Variants in PCDH7 observed in about 807,000 individuals in gnomAD.
PCDH7 encodes protocadherin 7.
In PCDH7, 17 loss-of-function variants were observed where a neutral mutation model predicts 58.9. The ratio of observed to expected loss-of-function variants is 0.29; its 90% CI spans 0.20 to 0.43. The LOEUF (loss-of-function observed/expected upper bound fraction) is 0.43, where lower values mean the gene tolerates loss of function less well. Among genes scored for constraint, PCDH7 ranks in the 20% least tolerant of loss-of-function variants. PCDH7 has a pLI of 1.00. For missense variants in PCDH7, 1,274 were observed against 1,441.0 expected (o/e 0.88, Z 1.88); for synonymous variants, 664 against 616.4 (o/e 1.08, Z -1.14).
intron 3 of PCDH7, among the ~76,000 whole-genome samples, chr4:31,019,552 C>T (rs868566112): frequency 3.1e-4 from 47 of 151,904 alleles, no homozygotes; most frequent in Admixed American, 7.9e-4. Flanking sequence ...AAAAATTATC[C>T]GGGTGTGGTG....
intron 2 of PCDH7, among the ~76,000 whole-genome samples, chr4:30,940,091 A>C (rs1393197049): frequency 6.6e-6 from 1 of 152,018 alleles, no homozygotes; most frequent in Non-Finnish European, 1.5e-5. Flanking sequence ...GTGGTAGGCA[A>C]AAAAACAAAC....
chr4:31,038,260 C>CA (rs1755573931), intron 3 of PCDH7, among the ~76,000 whole-genome samples: 1 of 152,160 alleles, frequency 6.6e-6, no homozygotes, highest in Admixed American at 6.5e-5. Flanking sequence ...GAAGGTTGCA[C>CA]ATGCTTTGTT....
chr4:30,845,683 T>G (rs1406412413), intron 1 of PCDH7, among the ~76,000 whole-genome samples: 1 of 152,080 alleles, frequency 6.6e-6, no homozygotes, highest in African/African-American at 2.4e-5. Context: ...CACTACAAAC[T>G]CAAACTCCTG....
chr4:30,837,618 T>C (rs1282666404), intron 1 of PCDH7, among the ~76,000 whole-genome samples: 1 of 151,946 alleles, frequency 6.6e-6, no homozygotes, highest in Non-Finnish European at 1.5e-5. Context: ...CATTGTCTGT[T>C]TCATTTGTTT....
chr4:30,815,529 C>G (rs1727562320), intron 1 of PCDH7, among the ~76,000 whole-genome samples: 2 of 152,178 alleles, frequency 1.3e-5, no homozygotes, highest in African/African-American at 4.8e-5. Context: ...CCTGATTCTT[C>G]CCTTGGAGCG....
chr4:31,003,141 T>A (rs370470274), intron 3 of PCDH7, among the ~76,000 whole-genome samples: 2 of 152,324 alleles, frequency 1.3e-5, no homozygotes, highest in African/African-American at 4.8e-5. Flanking sequence ...CTTATTTTTT[T>A]AAGCCTCTTG....
chr4:30,870,421 T>C (rs1032308599), intron 1 of PCDH7, among the ~76,000 whole-genome samples: 1 of 152,130 alleles, frequency 6.6e-6, no homozygotes, highest in African/African-American at 2.4e-5. Flanking sequence ...CTTTTAGGTC[T>C]TATGTAAGTC....
At chr4:30,746,662 A>G (rs1007861685) in intron 1 of PCDH7, among the ~76,000 whole-genome samples, 1 of 152,208 alleles carries the variant, frequency 6.6e-6, no homozygotes, top group African/African-American at 2.4e-5. Context: ...GGCATAGCCT[A>G]TTGAGAGGAT....
chr4:31,029,373 T>C (rs1424160528), intron 3 of PCDH7, among the ~76,000 whole-genome samples: 1 of 152,200 alleles, frequency 6.6e-6, no homozygotes, highest in Non-Finnish European at 1.5e-5. Flanking sequence ...AGAAATGTCC[T>C]AGGTGCCCAG....
chr4:31,050,150 G>A (rs530302276), intron 3 of PCDH7, among the ~76,000 whole-genome samples: 1 of 152,284 alleles, frequency 6.6e-6, no homozygotes, highest in East Asian at 1.9e-4. Context: ...TTGGCTTCAA[G>A]AATATGCTTC....
intron 3 of PCDH7, among the ~76,000 whole-genome samples, chr4:31,079,892 G>C (rs1261119333): frequency 6.6e-6 from 1 of 152,024 alleles, no homozygotes; most frequent in African/African-American, 2.4e-5. Flanking sequence ...GAACCCAGTG[G>C]AAGGAAAAGG....
intron 1 of PCDH7, among the ~76,000 whole-genome samples, chr4:30,884,194 A>G (rs1737373525): frequency 6.6e-6 from 1 of 152,178 alleles, no homozygotes; most frequent in Non-Finnish European, 1.5e-5. Context: ...CAAACACTGT[A>G]CACACCATTT....
In PCDH7 at chr4:30,720,458, A is replaced by C. The variant is rs563446226; in HGVS notation, c.-965A>C. On this transcript the variant is annotated 5_prime_UTR_variant, in exon 1 of 2. Coordinates refer to ENST00000361762, the Ensembl canonical transcript of PCDH7. This position sits in a 1 kb window ranked among gnomAD's most constrained non-coding sequence, Gnocchi z 4.7. ...GCACGGACTCTGCGGCTGCGAACCC[A>C]AACTTGGGCACCGCACGGTGCGCAC... 3 of 152,840 alleles carry C rather than the reference A, an allele frequency of 2.0e-5. No homozygotes were observed. Among genetic ancestry groups the C allele is most frequent in the African/African-American group, 7.2e-5 (3 of 41,594 alleles). The allele number at this position is 152,840 out of a possible 1,614,324, so 9.5% of individuals were successfully genotyped here.
At chr4:31,077,707 A>G (rs1759125219) in intron 3 of PCDH7, among the ~76,000 whole-genome samples, 1 of 152,136 alleles carries the variant, frequency 6.6e-6, no homozygotes. Flanking sequence ...CATTTCACCC[A>G]CCTTCTACAA....
At chr4:30,852,829 GAAAAAAAAAAAA>G (rs58210433) in intron 1 of PCDH7, among the ~76,000 whole-genome samples, 2 of 74,610 alleles carry the variant, frequency 2.7e-5, no homozygotes, top group African/African-American at 9.6e-5. Flanking sequence ...TCAAGCACAG[GAAAAAAAAAAAA>G]AAAAAAAAAA....
At chr4:31,048,888 C>G (rs1395636653) in intron 3 of PCDH7, among the ~76,000 whole-genome samples, 2 of 152,036 alleles carry the variant, frequency 1.3e-5, no homozygotes, top group Non-Finnish European at 2.9e-5. Flanking sequence ...TGTAAAAGGA[C>G]AAATTGCCCT....
intron 1 of PCDH7, among the ~76,000 whole-genome samples, chr4:30,887,718 C>T (rs1235199620): frequency 2.0e-5 from 3 of 152,020 alleles, no homozygotes; most frequent in Non-Finnish European, 4.4e-5. Flanking sequence ...TTCAGTTTTA[C>T]GTGTGAAGGT....
chr4:31,043,518 A>G (rs1756051255), intron 3 of PCDH7, among the ~76,000 whole-genome samples: 1 of 152,116 alleles, frequency 6.6e-6, no homozygotes, highest in Non-Finnish European at 1.5e-5. Flanking sequence ...TTTGATTTGT[A>G]TTCTCTAAAG....
At chr4:30,726,122 A>C (rs1577548070) in intron 1 of PCDH7, among the ~76,000 whole-genome samples, 1 of 152,172 alleles carries the variant, frequency 6.6e-6, no homozygotes, top group East Asian at 1.9e-4. Context: ...ACATGGAGTG[A>C]GAAGCTGATT....
Sources: allele counts gnomAD v4.1 joint callset (sites outside exome capture counted in the v4.1 genomes callset), GRCh38; gene constraint gnomAD v4.1.1; non-coding constraint Gnocchi (gnomAD v3.1); transcripts MANE v1.5; gene names NCBI Gene and HGNC (gene_info 2026-07-23, HGNC 2026-07-21).